Variants in TTC39B observed in about 807,000 individuals in gnomAD.
The protein encoded by TTC39B is tetratricopeptide repeat protein 39B.
TTC39B carries 92 observed loss-of-function variants against 96.6 expected under a neutral mutation model. The ratio of observed to expected loss-of-function variants is 0.95; its 90% confidence interval spans 0.80 to 1.13. The LOEUF (loss-of-function observed/expected upper bound fraction) is 1.13. Ranked by LOEUF, TTC39B falls within the 50% of genes most tolerant of loss-of-function variation. The probability of loss-of-function intolerance (pLI) is 0.00; values close to 1 mark genes in which losing one functional copy is unlikely to be tolerated. For missense variants in TTC39B, 955 were observed against 809.3 expected (o/e 1.18, Z -2.18); for synonymous variants, 367 against 299.4 (o/e 1.23, Z -2.33).
chr9:15,244,150 A>G (rs1048577988), intron 2 of TTC39B, among the ~76,000 whole-genome samples: 2 of 152,264 alleles, frequency 1.3e-5, no homozygotes, highest in Non-Finnish European at 2.9e-5. Context: ...GGCAAGAGAT[A>G]GGCACAGCTC....
At chr9:15,241,455 A>T (rs1163783636) in intron 2 of TTC39B, among the ~76,000 whole-genome samples, 1 of 152,006 alleles carries the variant, frequency 6.6e-6, no homozygotes, top group Non-Finnish European at 1.5e-5. Flanking sequence ...CAGGCATGGT[A>T]TCAGATGTTA....
At chr9:15,185,671 A>G (rs971796235) in intron 15 of TTC39B, 42 of 364,864 alleles carry the variant, frequency 1.2e-4, no homozygotes, top group African/African-American at 8.6e-4. Context: ...TGACTGACAC[A>G]TATTTCTTTC....
At chr9:15,232,471 A>G (rs2131431659) in intron 2 of TTC39B, 1 of 152,344 alleles carries the variant, frequency 6.6e-6, no homozygotes, top group East Asian at 1.9e-4. Context: ...TGAAAAATCT[A>G]AATGTTGTGA....
In TTC39B at chr9:15,256,044, A is replaced by G. The variant is rs529959838; in HGVS notation, c.275+11870T>C. On this transcript the variant is annotated intron_variant, in intron 2 of 19. Transcript: ENST00000512701. Reference sequence around the variant, plus strand: ...TAATGTTTGTGTCCCTCCAAAATTCATATGTTGAAACCTAACCCCCAAAGT... The same window carrying G: ...TAATGTTTGTGTCCCTCCAAAATTCGTATGTTGAAACCTAACCCCCAAAGT... 7.2e-5 allele frequency among the ~76,000 whole-genome samples: 11 copies of G among 152,286 alleles called. No individual in the cohort carries two copies. In the South Asian group the frequency reaches 2.3e-3, roughly 32 times the overall value.
At chr9:15,265,755 T>G (rs935150835) in intron 2 of TTC39B, among the ~76,000 whole-genome samples, 7 of 152,164 alleles carry the variant, frequency 4.6e-5, no homozygotes, top group Non-Finnish European at 7.3e-5. Flanking sequence ...ATATCGTGGA[T>G]CTTTGCTATG....
chr9:15,229,698 C>T (rs960273016), intron 2 of TTC39B, among the ~76,000 whole-genome samples: 2 of 152,202 alleles, frequency 1.3e-5, no homozygotes, highest in African/African-American at 2.4e-5. Context: ...ATTTTCCATA[C>T]GTGCTCAGGT....
At chr9:15,208,623 A>G (rs1471270955) in intron 6 of TTC39B, among the ~76,000 whole-genome samples, 1 of 152,230 alleles carries the variant, frequency 6.6e-6, no homozygotes, top group East Asian at 1.9e-4. Context: ...TTCTATCCGA[A>G]GTCAAGAGGA....
intron 2 of TTC39B, among the ~76,000 whole-genome samples, chr9:15,247,759 A>T (rs1822344462): frequency 6.6e-6 from 1 of 151,908 alleles, no homozygotes; most frequent in Admixed American, 6.6e-5. Flanking sequence ...TCTGGGCATG[A>T]GGCAAAAAAA....
chr9:15,229,946 T>C (rs1013597696), intron 2 of TTC39B, among the ~76,000 whole-genome samples: 9 of 152,234 alleles, frequency 5.9e-5, no homozygotes, highest in Non-Finnish European at 1.3e-4. Context: ...TGGGAATTCA[T>C]TACATTATTA....
chr9:15,190,539 T>A lies in TTC39B; in HGVS notation c.1105+15A>T. ...ACAATCAATGTTCAATGAAACAATCTAATCCAGATCTTACCAAGTATTAGG... is the reference window on the plus strand; with the variant it reads ...ACAATCAATGTTCAATGAAACAATCAAATCCAGATCTTACCAAGTATTAGG... On this transcript the variant is annotated intron_variant, in intron 11 of 19. Coordinates refer to ENST00000512701, the Ensembl canonical transcript of TTC39B. 6.2e-7 allele frequency: 1 copy of A among 1,605,318 alleles called. No homozygotes were observed. Among genetic ancestry groups the A allele is most frequent in the Non-Finnish European group, 8.5e-7 (1 of 1,172,028 alleles).
chr9:15,206,193 T>G lies in TTC39B; in HGVS notation c.692-2303A>C, dbSNP rs200056132. Among the ~76,000 whole-genome samples, 35 of 152,230 alleles carry G rather than the reference T, an allele frequency of 2.3e-4. No individual in the cohort carries two copies. In the East Asian group the frequency reaches 5.6e-3, roughly 24 times the overall value. ...TTTCACATCCCAGGCACTCATTGCA[T>G]TTAAATATCTGTTTGTAAAGGCAAT... On this transcript the variant is annotated intron_variant, in intron 6 of 19. Transcript: ENST00000512701.
At chr9:15,283,411 G>A (rs1280289698) in intron 1 of TTC39B, among the ~76,000 whole-genome samples, 1 of 152,178 alleles carries the variant, frequency 6.6e-6, no homozygotes, top group East Asian at 1.9e-4. Context: ...TTTATGCATT[G>A]TCTCATGTAA....
At chr9:15,279,585 A>G (rs1823675760) in intron 1 of TTC39B, among the ~76,000 whole-genome samples, 1 of 152,200 alleles carries the variant, frequency 6.6e-6, no homozygotes, top group South Asian at 2.1e-4. Flanking sequence ...TTAATGTCAG[A>G]TGTGAAAAGC....
exon 4 of TTC39B, chr9:15,214,233 C>T: frequency 6.2e-7 from 1 of 1,613,654 alleles, no homozygotes; most frequent in Non-Finnish European, 8.5e-7. Flanking sequence ...TTGAGATCCA[C>T]CTTGGTTGAT....
chr9:15,212,333 T>C (rs755999785), intron 4 of TTC39B, among the ~76,000 whole-genome samples: 3 of 151,448 alleles, frequency 2.0e-5, no homozygotes, highest in East Asian at 1.9e-4. Context: ...TAATCATTAA[T>C]TGTGGTTTCA....
Position 15,202,143 on chromosome 9 carries a change from A to C in TTC39B, c.759+1680T>G, listed in dbSNP as rs775425892. Among the ~76,000 whole-genome samples, 49 of 152,332 alleles carry C rather than the reference A, an allele frequency of 3.2e-4. 1 individual carries two copies. Among genetic ancestry groups the C allele is most frequent in the Middle Eastern group, 6.8e-3 (2 of 294 alleles). On this transcript the variant is annotated intron_variant, in intron 7 of 19. Coordinates refer to ENST00000512701, the Ensembl canonical transcript of TTC39B. Reference sequence around the variant, plus strand: ...TGAGGAAGAGGGGACAAACATGGATATCTCTTTAATTTCAAATCCCCAAAT... The same window carrying C: ...TGAGGAAGAGGGGACAAACATGGATCTCTCTTTAATTTCAAATCCCCAAAT...
chr9:15,231,393 C>T (rs1821413389), intron 2 of TTC39B, among the ~76,000 whole-genome samples: 1 of 152,108 alleles, frequency 6.6e-6, no homozygotes, highest in African/African-American at 2.4e-5. Context: ...TGTTTTTGTC[C>T]ATGAGATATG....
At chr9:15,208,173 C>T (rs1028472850) in intron 6 of TTC39B, among the ~76,000 whole-genome samples, 12 of 151,150 alleles carry the variant, frequency 7.9e-5, no homozygotes, top group Admixed American at 7.3e-4. Flanking sequence ...TATAGGTGTG[C>T]GCCACCATGC....
intron 2 of TTC39B, among the ~76,000 whole-genome samples, chr9:15,231,358 A>C (rs111457411): frequency 6.6e-6 from 1 of 152,004 alleles, no homozygotes; most frequent in African/African-American, 2.4e-5. Flanking sequence ...TAGATTCCCA[A>C]TTTCTTAACA....
Sources: allele counts gnomAD v4.1 joint callset (sites outside exome capture counted in the v4.1 genomes callset), GRCh38; gene constraint gnomAD v4.1.1; transcripts MANE v1.5; gene names NCBI Gene and HGNC (gene_info 2026-07-23, HGNC 2026-07-21).